Variants in ADCY2 observed in about 807,000 individuals in gnomAD.
The protein encoded by ADCY2 is adenylate cyclase type 2.
In ADCY2, 31 loss-of-function variants were observed where a neutral mutation model predicts 125.2. That is an observed-to-expected ratio of 0.25 (90% CI 0.19 to 0.33). The LOEUF (loss-of-function observed/expected upper bound fraction) is 0.33. Ranked by LOEUF, ADCY2 falls within the 10% of genes least tolerant of loss-of-function variation. The pLI is 1.00. For synonymous variants in ADCY2, 512 were observed against 548.4 expected, an observed-to-expected ratio of 0.93 and a Z score of 0.93; for missense variants, 904 against 1,418.2, an observed-to-expected ratio of 0.64 and a Z score of 5.82.
At chr5:7,481,405 T>C (rs1199157912) in intron 2 of ADCY2, among the ~76,000 whole-genome samples, 1 of 152,134 alleles carries the variant, frequency 6.6e-6, no homozygotes, top group Non-Finnish European at 1.5e-5. Flanking sequence ...CAGCTGGGAC[T>C]ACAGGCGCCT....
At chr5:7,677,137 A>G (rs1740154256) in intron 4 of ADCY2, among the ~76,000 whole-genome samples, 1 of 151,990 alleles carries the variant, frequency 6.6e-6, no homozygotes, top group South Asian at 2.1e-4. Flanking sequence ...AGTTAGCAGG[A>G]CTTGGTGGCA....
intron 4 of ADCY2, among the ~76,000 whole-genome samples, chr5:7,687,131 A>G (rs1164459052): frequency 6.6e-6 from 1 of 152,198 alleles, no homozygotes; most frequent in East Asian, 1.9e-4. Context: ...ACAAAAGAAA[A>G]AATTCTTGTT....
At chr5:7,766,392 G>T (rs557730654) in intron 16 of ADCY2, among the ~76,000 whole-genome samples, 7 of 152,246 alleles carry the variant, frequency 4.6e-5, no homozygotes, top group African/African-American at 1.4e-4. Context: ...AGGTGATATC[G>T]GTTTCAAATG....
intron 2 of ADCY2, among the ~76,000 whole-genome samples, chr5:7,448,423 A>G (rs938799869): frequency 5.9e-5 from 9 of 151,942 alleles, no homozygotes; most frequent in Non-Finnish European, 1.0e-4. Flanking sequence ...ATTTTATGTA[A>G]GGCCTGTAAC....
intron 3 of ADCY2, among the ~76,000 whole-genome samples, chr5:7,616,608 A>G (rs1313673111): frequency 6.6e-6 from 1 of 152,228 alleles, no homozygotes; most frequent in Non-Finnish European, 1.5e-5. Flanking sequence ...TTAAACCATC[A>G]TGGGTAGTAC....
chr5:7,675,460 A>T (rs1230905982), intron 4 of ADCY2, among the ~76,000 whole-genome samples: 1 of 152,186 alleles, frequency 6.6e-6, no homozygotes, highest in African/African-American at 2.4e-5. Context: ...TTACAGAATA[A>T]TTAAGTGACA....
At chr5:7,702,683 A>T (rs1741128382) in intron 7 of ADCY2, among the ~76,000 whole-genome samples, 1 of 152,190 alleles carries the variant, frequency 6.6e-6, no homozygotes, top group Admixed American at 6.5e-5. Context: ...TGCCACAGTA[A>T]ACATACGTGT....
intron 2 of ADCY2, among the ~76,000 whole-genome samples, chr5:7,430,294 C>G (rs965328764): frequency 2.0e-5 from 3 of 151,884 alleles, no homozygotes; most frequent in Non-Finnish European, 4.4e-5. Context: ...TAAGTAATCT[C>G]AATTCTACAG....
At chr5:7,481,283 T>C (rs1742719151) in intron 2 of ADCY2, among the ~76,000 whole-genome samples, 1 of 152,180 alleles carries the variant, frequency 6.6e-6, no homozygotes, top group Non-Finnish European at 1.5e-5. Flanking sequence ...TGTTGTTCTT[T>C]TGGGACAGAG....
chr5:7,802,374 G>T lies in ADCY2; in HGVS notation c.2775+10G>T, dbSNP rs779843340. 2 of 1,613,510 alleles carry T rather than the reference G, an allele frequency of 1.2e-6. No homozygotes were observed. The highest frequency in any genetic ancestry group is 4.5e-5 in the East Asian group (2 of 44,880). On this transcript the variant is annotated intron_variant, in intron 21 of 24. Transcript: ENST00000338316. The surrounding 1 kb of genome is among the most constrained non-coding windows in gnomAD (Gnocchi z 4.6). The stretch of plus-strand genomic sequence containing the variant: ...CGCTGACTTTGATGATGTAGGTACT[G>T]AGAGTTGCCCTCGAAGGGCAGCAGT...
chr5:7,535,414 A>G (rs1734783653), intron 3 of ADCY2, among the ~76,000 whole-genome samples: 2 of 152,242 alleles, frequency 1.3e-5, no homozygotes, highest in Admixed American at 1.3e-4. Context: ...ACTCTAATGC[A>G]TGATCAAATG....
At chr5:7,719,216 G>A (rs560824687) in intron 12 of ADCY2, among the ~76,000 whole-genome samples, 10 of 152,220 alleles carry the variant, frequency 6.6e-5, no homozygotes, top group African/African-American at 2.4e-4. Flanking sequence ...GCAAATATAT[G>A]TTTAGTTAAT....
At chr5:7,482,169 C>T (rs567586648) in intron 2 of ADCY2, among the ~76,000 whole-genome samples, 1 of 152,224 alleles carries the variant, frequency 6.6e-6, no homozygotes, top group South Asian at 2.1e-4. Flanking sequence ...TTTGCATTTA[C>T]CCAACAGTGA....
chr5:7,572,353 T>C (rs1479832164), intron 3 of ADCY2, among the ~76,000 whole-genome samples: 1 of 152,134 alleles, frequency 6.6e-6, no homozygotes, highest in Non-Finnish European at 1.5e-5. Context: ...TTCTGAATTG[T>C]GTTAGATGAT....
In ADCY2 at chr5:7,648,061, A is replaced by G. The variant is rs1346268596; in HGVS notation, c.720+21745A>G. Among the ~76,000 whole-genome samples, 7 of 152,328 alleles carry G rather than the reference A, an allele frequency of 4.6e-5. No homozygotes were observed. In the East Asian group the frequency reaches 1.2e-3, roughly 25 times the overall value. On this transcript the variant is annotated intron_variant, in intron 4 of 24. Transcript: ENST00000338316. ...ACCTTATCATAATAGGTTTTCTTCCAGCCTTAATAGTCCATGAGATTTCAC... is the reference window on the plus strand; with the variant it reads ...ACCTTATCATAATAGGTTTTCTTCCGGCCTTAATAGTCCATGAGATTTCAC...
intron 3 of ADCY2, among the ~76,000 whole-genome samples, chr5:7,570,870 T>A (rs1370800969): frequency 2.0e-5 from 3 of 152,192 alleles, no homozygotes; most frequent in Non-Finnish European, 4.4e-5. Flanking sequence ...GGCACTGACA[T>A]CTGTCCTTGG....
intron 18 of ADCY2, among the ~76,000 whole-genome samples, chr5:7,774,146 C>T (rs2126483968): frequency 6.6e-6 from 1 of 152,330 alleles, no homozygotes; most frequent in African/African-American, 2.4e-5. Flanking sequence ...TTAGGAACGG[C>T]AGTTATCCCA....
chr5:7,679,029 G>C (rs1194544939), intron 4 of ADCY2, among the ~76,000 whole-genome samples: 12 of 152,214 alleles, frequency 7.9e-5, no homozygotes, highest in Non-Finnish European at 8.8e-5. Context: ...TATTGAAGAA[G>C]GCACAGTCTG....
intron 3 of ADCY2, among the ~76,000 whole-genome samples, chr5:7,602,139 A>G (rs190903009): frequency 1.3e-5 from 2 of 152,200 alleles, no homozygotes; most frequent in East Asian, 1.9e-4. Context: ...TGATGATCTT[A>G]TCTCAAAATC....
Sources: gnomAD v4.1 joint callset for allele counts (sites outside exome capture counted in the v4.1 genomes callset) on GRCh38, gnomAD v4.1.1 for gene constraint, Gnocchi (gnomAD v3.1) non-coding constraint, MANE v1.5 for transcripts, NCBI Gene and HGNC (gene_info 2026-07-23, HGNC 2026-07-21) for gene names.